NAV1: variants seen among roughly 807,000 people sequenced by gnomAD.
NAV1 encodes neuron navigator 1.
NAV1 carries 18 observed loss-of-function variants against 175.2 expected under a neutral mutation model. That is an observed-to-expected ratio of 0.10 (90% CI 0.07 to 0.15). NAV1 has a LOEUF of 0.15. Among genes scored for constraint, NAV1 ranks in the 10% least tolerant of loss-of-function variants. NAV1 has a pLI of 1.00. For synonymous variants in NAV1, 897 were observed against 978.7 expected, an observed-to-expected ratio of 0.92 and a Z score of 1.56; for missense variants, 1,731 against 2,436.6, an observed-to-expected ratio of 0.71 and a Z score of 6.10.
intron 7 of NAV1, among the ~76,000 whole-genome samples, chr1:201,784,926 GT>G (rs1676617673): frequency 6.6e-6 from 1 of 151,906 alleles, no homozygotes; most frequent in South Asian, 2.1e-4. Flanking sequence ...CCACCACTGC[GT>G]CTGGCTAATT....
intron 2 of NAV1, among the ~76,000 whole-genome samples, chr1:201,599,293 G>A (rs1005196030): frequency 1.3e-5 from 2 of 152,146 alleles, no homozygotes; most frequent in Non-Finnish European, 2.9e-5. Context: ...TCCTTTTGCA[G>A]GGCCTGTTTT....
At chr1:201,573,724 A>G (rs1006303729) in intron 1 of NAV1, among the ~76,000 whole-genome samples, 1 of 152,116 alleles carries the variant, frequency 6.6e-6, no homozygotes, top group Non-Finnish European at 1.5e-5. Flanking sequence ...CTCAACAAAT[A>G]TTATCTATTA....
At chr1:201,623,066 C>G in exon 1 of NAV1, 1 of 985,946 alleles carries the variant, frequency 1.0e-6, no homozygotes, top group South Asian at 4.7e-5. Context: ...CTGGGAAAGG[C>G]TGCAGGTCCT....
At chr1:201,623,775 G>A (rs920149336) in intron 1 of NAV1, among the ~76,000 whole-genome samples, 169 bp downstream of exon 3, 2 of 152,234 alleles carry the variant, frequency 1.3e-5, no homozygotes, top group Non-Finnish European at 2.9e-5. Flanking sequence ...TTGGGGGCTT[G>A]GAGAGCTGAG....
At position 201,813,077 on chromosome 1, in the gene NAV1, G is replaced by A; in HGVS notation, c.5222-63G>A. 1.7e-6 allele frequency: 2 copies of A among 1,205,804 alleles called. No individual in the cohort carries two copies. The highest frequency in any genetic ancestry group is 1.2e-6 in the Non-Finnish European group (1 of 818,708). 74.7% of individuals were successfully genotyped at this position (1,205,804 alleles called of 1,614,324 possible). On this transcript the variant is annotated intron_variant, in intron 27 of 29. Transcript: ENST00000367296. This position sits in a 1 kb window ranked among gnomAD's most constrained non-coding sequence, Gnocchi z 4.2. Reference sequence around the variant, plus strand: ...CTCTGCCTGGTACTAAGGAGTAAAAGAGGCACACAACCGGGAAGATCTAGG... The same window carrying A: ...CTCTGCCTGGTACTAAGGAGTAAAAAAGGCACACAACCGGGAAGATCTAGG...
chr1:201,650,765 A>T (rs1047676145), intron 1 of NAV1, among the ~76,000 whole-genome samples: 4 of 152,312 alleles, frequency 2.6e-5, no homozygotes, highest in Admixed American at 1.3e-4. Flanking sequence ...ATCCTTACGC[A>T]GGAGGCCGCA....
chr1:201,569,153 C>T (rs780220374), intron 1 of NAV1, among the ~76,000 whole-genome samples: 19 of 152,192 alleles, frequency 1.2e-4, no homozygotes, highest in Non-Finnish European at 1.9e-4. Flanking sequence ...ACAGAGCTGA[C>T]CAAAGTCTCA....
At chr1:201,725,482 A>C (rs1672565081) in intron 3 of NAV1, among the ~76,000 whole-genome samples, 1 of 152,186 alleles carries the variant, frequency 6.6e-6, no homozygotes, top group Non-Finnish European at 1.5e-5. Flanking sequence ...CCTGGGCAAC[A>C]AAGTGATACC....
At chr1:201,769,348 T>C (rs1050581637) in intron 3 of NAV1, among the ~76,000 whole-genome samples, 1 of 152,226 alleles carries the variant, frequency 6.6e-6, no homozygotes, top group Non-Finnish European at 1.5e-5. Flanking sequence ...AATTCACACT[T>C]TGTCACTGTT....
intron 3 of NAV1, among the ~76,000 whole-genome samples, chr1:201,746,969 A>C (rs1008460074): frequency 9.3e-5 from 14 of 149,884 alleles, no homozygotes; most frequent in Non-Finnish European, 1.9e-4. Context: ...ATGCCAATGC[A>C]CTCCAGCCTG....
intron 2 of NAV1, among the ~76,000 whole-genome samples, chr1:201,605,858 G>A (rs1362133624): frequency 1.3e-5 from 2 of 152,218 alleles, no homozygotes; most frequent in Non-Finnish European, 2.9e-5. Context: ...AGCACTGTGG[G>A]GGGGTGTGAG....
chr1:201,646,465 G>A (rs1315992889), upstream of NAV1, among the ~76,000 whole-genome samples: 29 of 152,134 alleles, frequency 1.9e-4, 1 homozygote, highest in Admixed American at 1.9e-3. Context: ...ATTTTCCCAA[G>A]TCTTGTATTG....
intron 1 of NAV1, among the ~76,000 whole-genome samples, chr1:201,567,657 T>C (rs1244317800): frequency 6.6e-6 from 1 of 152,034 alleles, no homozygotes; most frequent in African/African-American, 2.4e-5. Context: ...TGCCCTGGGG[T>C]CTCTGTTCCA....
intron 3 of NAV1, among the ~76,000 whole-genome samples, chr1:201,738,870 C>T (rs562493031): frequency 6.6e-6 from 1 of 152,236 alleles, no homozygotes; most frequent in East Asian, 1.9e-4. Context: ...ATAATTTGTC[C>T]ATCTCTAAAA....
rs1665761258 is a variant in NAV1 at position 201,549,111 on chromosome 1, C to CTT, written c.-144+9771_-144+9772dup. Reference sequence around the variant, plus strand: ...TCTTTCTTTCTTTCTTTCTTTCTTTCTTTCTTTCTTTCTTTCTTTCTTTCT... The same window carrying CTT: ...TCTTTCTTTCTTTCTTTCTTTCTTTCTTTTTCTTTCTTTCTTTCTTTCTTTCT... On this transcript the variant is annotated intron_variant, in intron 1 of 33. Transcript: ENST00000685211. Among the ~76,000 whole-genome samples, 5 of 146,394 alleles carry CTT rather than the reference C, an allele frequency of 3.4e-5. No individual in the cohort carries two copies. In the South Asian group the frequency reaches 1.1e-3, roughly 32 times the overall value.
chr1:201,700,754 G>C (rs533684937), intron 1 of NAV1, among the ~76,000 whole-genome samples: 204 of 152,282 alleles, frequency 1.3e-3, no homozygotes, highest in Non-Finnish European at 2.4e-3. Flanking sequence ...GCTCACGCCT[G>C]TAATCCCAGC....
chr1:201,610,385 C>T (rs987007422), intron 2 of NAV1, among the ~76,000 whole-genome samples: 5 of 152,222 alleles, frequency 3.3e-5, no homozygotes, highest in African/African-American at 1.2e-4. Flanking sequence ...ATTCACTTCT[C>T]TCTCAGAGGT....
chr1:201,660,236 AC>A (rs1437732834), intron 1 of NAV1, among the ~76,000 whole-genome samples: 2 of 152,198 alleles, frequency 1.3e-5, no homozygotes, highest in African/African-American at 2.4e-5. Context: ...TGCTGCTCCC[AC>A]TGCCACAGTG....
In NAV1 at chr1:201,810,385, G is replaced by A; in HGVS notation, c.4562-138G>A. 1 of 855,898 alleles carries A rather than the reference G, an allele frequency of 1.2e-6. No homozygotes were observed. The highest frequency in any genetic ancestry group is 1.8e-6 in the Non-Finnish European group (1 of 559,204). 53.0% of individuals were successfully genotyped at this position (855,898 alleles called of 1,614,324 possible). On this transcript the variant is annotated intron_variant, in intron 23 of 29. Transcript: ENST00000367296. The surrounding 1 kb of genome is among the most constrained non-coding windows in gnomAD (Gnocchi z 6.0). ...AAGTTTTCAAAACTAGGGGTTAAGG[G>A]ACTCTTATGGAACCATGGGGCAAGT...
Sources: gnomAD v4.1 joint callset for allele counts (sites outside exome capture counted in the v4.1 genomes callset) on GRCh38, gnomAD v4.1.1 for gene constraint, Gnocchi (gnomAD v3.1) non-coding constraint, MANE v1.5 for transcripts, NCBI Gene and HGNC (gene_info 2026-07-23, HGNC 2026-07-21) for gene names.